The following PABPC1L variants were observed in gnomAD, a reference collection of about 807,000 sequenced individuals.
PABPC1L encodes the protein polyadenylate-binding protein 1-like.
PABPC1L carries 31 observed loss-of-function variants against 66.6 expected under a neutral mutation model. That is an observed-to-expected ratio of 0.47 (90% CI 0.35 to 0.63). The LOEUF is 0.63. Among genes scored for constraint, PABPC1L ranks in the 20% least tolerant of loss-of-function variants. The pLI is 0.00. For missense variants in PABPC1L, 722 were observed against 848.8 expected, an observed-to-expected ratio of 0.85 and a Z score of 1.86; for synonymous variants, 348 against 335.1, an observed-to-expected ratio of 1.04 and a Z score of -0.42.
chr20:44,912,947 A>G (rs1292682899), intron 2 of PABPC1L, 94 bp downstream of exon 2: 3 of 1,233,212 alleles, frequency 2.4e-6, no homozygotes, highest in East Asian at 2.4e-5. Context: ...TACAGTTTAC[A>G]AGGTCCTTTC....
intron 8 of PABPC1L, among the ~76,000 whole-genome samples, 162 bp downstream of exon 8, chr20:44,930,888 T>A (rs116223321): frequency 1.5e-3 from 224 of 152,350 alleles, no homozygotes; most frequent in African/African-American, 5.3e-3. Context: ...AGAGATAGTG[T>A]TAGTCAAATG....
intron 8 of PABPC1L, among the ~76,000 whole-genome samples, chr20:44,931,190 C>CCTT (rs2066857419): frequency 6.9e-6 from 1 of 145,904 alleles, no homozygotes; most frequent in Non-Finnish European, 1.5e-5. Context: ...CTCCCTTCCT[C>CCTT]CCTTCCTTCA....
intron 2 of PABPC1L, 48 bp downstream of exon 2, chr20:44,912,901 C>A: frequency 6.5e-7 from 1 of 1,530,572 alleles, no homozygotes; most frequent in South Asian, 1.2e-5. Flanking sequence ...TGTCAACTAC[C>A]TGCCTGGTAG....
In PABPC1L at chr20:44,930,686, T is replaced by G; in HGVS notation, c.1199T>G (p.Phe400Cys). The G allele has an allele frequency of 6.2e-7, 1 of 1,614,036 alleles. No homozygotes were observed. Among genetic ancestry groups the G allele is most frequent in the Admixed American group, 1.7e-5 (1 of 60,006 alleles). Residue 400 changes from phenylalanine to cysteine, a missense_variant, in exon 8 of 15, where the codon TTT becomes TGT. Around this residue, in one of 3 missense-constraint regions of PABPC1L, gnomAD observed 301 missense variants for 337.2 expected, o/e 0.89. Transcript: ENST00000217073. Reference protein sequence around the residue: ...RTLSNPLLGSFQQPSSYFLPA... With the variant: ...RTLSNPLLGSCQQPSSYFLPA... The stretch of plus-strand genomic sequence containing the variant: ...CTGAGCAACCCCCTCCTGGGCTCCT[T>G]TCAGCAGCCCTCCAGCTACTTCCTG...
chr20:44,930,762 C>T, intron 8 of PABPC1L, 36 bp downstream of exon 8: 1 of 1,597,516 alleles, frequency 6.3e-7, no homozygotes, highest in Non-Finnish European at 8.5e-7. Flanking sequence ...CGCAGCCTTC[C>T]CCCCTGCCCC....
chr20:44,927,531 TAG>T (rs1377986159), intron 7 of PABPC1L, among the ~76,000 whole-genome samples: 1 of 151,916 alleles, frequency 6.6e-6, no homozygotes, highest in African/African-American at 2.4e-5. Context: ...GTATTTTTAG[TAG>T]AGATGGGGTG....
intron 1 of PABPC1L, among the ~76,000 whole-genome samples, chr20:44,911,639 G>A (rs2066705594): frequency 6.6e-6 from 1 of 152,198 alleles, no homozygotes; most frequent in Non-Finnish European, 1.5e-5. Flanking sequence ...GTTTGCTAGG[G>A]AAGGGGTTGT....
intron 8 of PABPC1L, 134 bp from the exon 9 acceptor site, chr20:44,932,208 C>T: frequency 1.9e-6 from 1 of 532,824 alleles, no homozygotes; most frequent in East Asian, 3.2e-5. Flanking sequence ...GCTTTCATTA[C>T]AGCCTTGTGG....
At chr20:44,920,384 G>A (rs1291196927) in intron 5 of PABPC1L, among the ~76,000 whole-genome samples, 1 of 152,116 alleles carries the variant, frequency 6.6e-6, no homozygotes, top group African/African-American at 2.4e-5. Context: ...CTGGGACAGA[G>A]ACTATGTCAC....
rs1201181608 is a variant in PABPC1L, at chr20:44,938,197, C to T, written c.1791+6C>T. On this transcript the variant is annotated splice_donor_region_variant and intron_variant, in intron 13 of 14. Transcript: ENST00000217073. Reference sequence around the variant, plus strand: ...CAGAATCCCTCCATGCCAAGGTAAGCAGGAGCCTGGGCAGCAGGGAGCCCG... The same window carrying T: ...CAGAATCCCTCCATGCCAAGGTAAGTAGGAGCCTGGGCAGCAGGGAGCCCG... 9.3e-6 allele frequency: 15 copies of T among 1,613,082 alleles called. No individual in the cohort carries two copies. The highest frequency in any genetic ancestry group is 1.3e-5 in the African/African-American group (1 of 74,868).
chr20:44,932,298 C>A (rs944292058), intron 8 of PABPC1L, 44 bp from the exon 9 acceptor site: 7 of 1,519,972 alleles, frequency 4.6e-6, no homozygotes, highest in Non-Finnish European at 6.3e-6. Flanking sequence ...TCTCACCTAC[C>A]CTGCCGCCAA....
chr20:44,933,819 C>T lies in PABPC1L; in HGVS notation c.1459+634C>T, dbSNP rs913567299. Among the ~76,000 whole-genome samples, 21 of 141,444 alleles carry T rather than the reference C, an allele frequency of 1.5e-4. 1 individual carries two copies. The highest frequency in any genetic ancestry group is 5.4e-4 in the African/African-American group (20 of 37,302). 92.8% of individuals were successfully genotyped at this position (141,444 alleles called of 152,430 possible). On this transcript the variant is annotated intron_variant, in intron 10 of 14. Transcript: ENST00000217073. Reference sequence around the variant, plus strand: ...AGGCTGGAGAGTAATGGTGTGATCTCGGCTCACTGCAACCTCTGCCTCCGG... The same window carrying T: ...AGGCTGGAGAGTAATGGTGTGATCTTGGCTCACTGCAACCTCTGCCTCCGG...
intron 8 of PABPC1L, 141 bp downstream of exon 8, chr20:44,930,867 C>A: frequency 8.6e-7 from 1 of 1,163,172 alleles, no homozygotes; most frequent in Non-Finnish European, 1.2e-6. Context: ...GTTTCCCTCT[C>A]TATAAAAGGG....
At chr20:44,927,628 C>T (rs571886042) in intron 7 of PABPC1L, among the ~76,000 whole-genome samples, 21 of 152,270 alleles carry the variant, frequency 1.4e-4, no homozygotes, top group Admixed American at 1.2e-3. Context: ...GGATTACAGG[C>T]GTGAGCCACT....
intron 6 of PABPC1L, among the ~76,000 whole-genome samples, chr20:44,922,715 G>A (rs1347260397): frequency 6.6e-6 from 1 of 152,112 alleles, no homozygotes; most frequent in Non-Finnish European, 1.5e-5. Flanking sequence ...TCATGGAGAG[G>A]GGCATATAAA....
intron 11 of PABPC1L, among the ~76,000 whole-genome samples, chr20:44,935,859 C>T (rs2066897258): frequency 6.6e-6 from 1 of 152,076 alleles, no homozygotes; most frequent in Non-Finnish European, 1.5e-5. Context: ...TATCTCCCTC[C>T]CCTAAAAAAG....
At chr20:44,914,713 C>T (rs2066727189) in intron 2 of PABPC1L, among the ~76,000 whole-genome samples, 2 of 152,108 alleles carry the variant, frequency 1.3e-5, no homozygotes, top group Admixed American at 1.3e-4. Flanking sequence ...GGAAGAAAGA[C>T]TCTTAACTGT....
Position 44,910,119 on chromosome 20 carries a change from C to A in PABPC1L, c.-25C>A, listed in dbSNP as rs761310244. On this transcript the variant is annotated 5_prime_UTR_variant, in exon 1 of 15. Coordinates refer to ENST00000217073, the MANE Select transcript of PABPC1L (RefSeq NM_001372179.1). ...CTGGGTGACCCGGCTCCTGCTTGCC[C>A]CGCAGCCCCGGCCCCCTGCCCACCA... The A allele has an allele frequency of 3.2e-5, 49 of 1,535,096 alleles. No homozygotes were observed. Among genetic ancestry groups the A allele is most frequent in the Non-Finnish European group, 4.0e-5 (46 of 1,137,676 alleles).
Position 44,919,719 on chromosome 20 carries a change from C to T in PABPC1L, c.738+442C>T, listed in dbSNP as rs566762951. ...TAAAAACTCTCCAGATGTGATGGCT[C>T]ATGCTTGTAATCCCAGCACTTGGGG... On this transcript the variant is annotated intron_variant, in intron 5 of 14. Coordinates refer to ENST00000217073, the MANE Select transcript of PABPC1L (RefSeq NM_001372179.1). Among the ~76,000 whole-genome samples, 373 of 152,182 alleles carry T rather than the reference C, an allele frequency of 2.5e-3. 2 individuals carry two copies. The highest frequency in any genetic ancestry group is 3.4e-3 in the Non-Finnish European group (229 of 68,004).
Sources: gnomAD v4.1 joint callset for allele counts (sites outside exome capture counted in the v4.1 genomes callset) on GRCh38, gnomAD v4.1.1 for gene constraint, gnomAD v4.1.1 regional missense constraint, MANE v1.5 for transcripts, NCBI Gene and HGNC (gene_info 2026-07-23, HGNC 2026-07-21) for gene names.